Variants in HCRTR2 observed in about 807,000 individuals in gnomAD.
HCRTR2 encodes the protein orexin receptor type 2.
Under a neutral mutation model 49.0 loss-of-function variants are expected in HCRTR2, and 22 were observed. The observed-to-expected ratio is 0.45, with a 90% CI of 0.32 to 0.64. The LOEUF (loss-of-function observed/expected upper bound fraction) is 0.64. HCRTR2 is among the 30% of genes least tolerant of loss of function. HCRTR2 has a pLI of 0.04. For synonymous variants in HCRTR2, 236 were observed against 205.3 expected (o/e 1.15, Z -1.28); for missense variants, 491 against 559.4 (o/e 0.88, Z 1.23).
chr6:55,131,556 C>A (rs1472815220), intron 1 of HCRTR2, among the ~76,000 whole-genome samples: 1 of 151,554 alleles, frequency 6.6e-6, no homozygotes, highest in East Asian at 1.9e-4. Context: ...GTCATTAATA[C>A]CATCAAGTTT....
At chr6:55,110,939 A>G (rs1472684357) in intron 1 of HCRTR2, among the ~76,000 whole-genome samples, 1 of 152,128 alleles carries the variant, frequency 6.6e-6, no homozygotes, top group African/African-American at 2.4e-5. Context: ...TCAACTGCAC[A>G]TGGAACATTC....
At chr6:55,263,226 C>G (rs767942739) in intron 3 of HCRTR2, among the ~76,000 whole-genome samples, 3 of 151,878 alleles carry the variant, frequency 2.0e-5, no homozygotes, top group African/African-American at 7.2e-5. Flanking sequence ...GAATAGCCTC[C>G]CATTTCTCAG....
intron 4 of HCRTR2, among the ~76,000 whole-genome samples, chr6:55,269,033 T>C (rs1382135788): frequency 7.4e-6 from 1 of 135,842 alleles, no homozygotes; most frequent in Non-Finnish European, 1.5e-5. Flanking sequence ...GAGCCTGCAG[T>C]GAACAGAGAT....
chr6:55,266,038 C>A (rs1242070835), intron 4 of HCRTR2, among the ~76,000 whole-genome samples: 1 of 151,974 alleles, frequency 6.6e-6, no homozygotes, highest in Non-Finnish European at 1.5e-5. Context: ...CAAAACAAAA[C>A]AAAACTACAA....
chr6:55,272,032 A>G (rs1244438558), intron 4 of HCRTR2, among the ~76,000 whole-genome samples: 1 of 152,148 alleles, frequency 6.6e-6, no homozygotes, highest in African/African-American at 2.4e-5. Context: ...AGAACTGAAG[A>G]CATGTTTACA....
At chr6:55,258,239 CTG>C (rs1389613650) in intron 3 of HCRTR2, among the ~76,000 whole-genome samples, 1 of 152,036 alleles carries the variant, frequency 6.6e-6, no homozygotes, top group Non-Finnish European at 1.5e-5. Context: ...AATTCATAAT[CTG>C]TGTTTCTTAT....
intron 1 of HCRTR2, among the ~76,000 whole-genome samples, chr6:55,130,879 C>T (rs1764346624): frequency 6.6e-6 from 1 of 151,870 alleles, no homozygotes; most frequent in Non-Finnish European, 1.5e-5. Context: ...GCATCTCTGG[C>T]TTGGGCAAAT....
In HCRTR2 at chr6:55,223,628, G is replaced by A. The variant is rs539590150; in HGVS notation, c.224-25011G>A. Among the ~76,000 whole-genome samples, 4 of 152,112 alleles carry A rather than the reference G, an allele frequency of 2.6e-5. No individual in the cohort carries two copies. The East Asian group carries it at 7.7e-4, about 29-fold the overall frequency. ...ATTCTTGTGTCTAAATTCAACTCTA[G>A]ATTTATTCTCTGTTGATATTTTTTA... On this transcript the variant is annotated intron_variant, in intron 1 of 6. Transcript: ENST00000370862.
At chr6:55,239,973 C>T (rs1397321259) in intron 1 of HCRTR2, among the ~76,000 whole-genome samples, 2 of 151,794 alleles carry the variant, frequency 1.3e-5, no homozygotes, top group Admixed American at 6.6e-5. Context: ...GATGGGGTTT[C>T]GCCATGTTGG....
chr6:55,265,900 A>C (rs1766851674), intron 4 of HCRTR2, among the ~76,000 whole-genome samples: 1 of 152,052 alleles, frequency 6.6e-6, no homozygotes, highest in Non-Finnish European at 1.5e-5. Context: ...CAAGGGAGAG[A>C]ACACCGTCGT....
chr6:55,276,968 A>G (rs985424481), intron 4 of HCRTR2, among the ~76,000 whole-genome samples: 1 of 152,192 alleles, frequency 6.6e-6, no homozygotes, highest in South Asian at 2.1e-4. Flanking sequence ...TGAAAAATCC[A>G]TAACAGGTTG....
At chr6:55,211,317 AT>A (rs1438449212) in intron 1 of HCRTR2, among the ~76,000 whole-genome samples, 4 of 152,168 alleles carry the variant, frequency 2.6e-5, no homozygotes. Flanking sequence ...TAGAAGTACA[AT>A]AACTTTCAAA....
In HCRTR2 at chr6:55,166,496, G is replaced by A. The variant is rs188535180; in HGVS notation, c.-377-7715G>A. Among the ~76,000 whole-genome samples, 323 of 151,828 alleles carry A rather than the reference G, an allele frequency of 2.1e-3. 6 individuals are homozygous for A. Among genetic ancestry groups the A allele is most frequent in the African/African-American group, 6.9e-3 (286 of 41,404 alleles). On this transcript the variant is annotated intron_variant, in intron 1 of 7. Transcript: ENST00000615358. The stretch of plus-strand genomic sequence containing the variant: ...TTAAGAGACTTAAAACACACACAAC[G>A]CACACACAAAATGAAATATCACTTT...
At chr6:55,198,750 GAGA>G (rs1322144116) in intron 1 of HCRTR2, among the ~76,000 whole-genome samples, 1 of 152,200 alleles carries the variant, frequency 6.6e-6, no homozygotes. Flanking sequence ...GTGTGCAGGG[GAGA>G]AGTAGGAGAG....
upstream of HCRTR2, among the ~76,000 whole-genome samples, chr6:55,170,870 A>G (rs1484307032): frequency 6.6e-6 from 1 of 151,578 alleles, no homozygotes; most frequent in African/African-American, 2.4e-5. Flanking sequence ...GCTGAGAATC[A>G]TGGTTTCCAG....
At chr6:55,128,438 G>A in intron 1 of HCRTR2, among the ~76,000 whole-genome samples, 1 of 152,164 alleles carries the variant, frequency 6.6e-6, no homozygotes, top group East Asian at 1.9e-4. Context: ...TTTTAAAATA[G>A]TTTTCTCTAG....
chr6:55,204,344 C>A (rs1765563082), intron 1 of HCRTR2, among the ~76,000 whole-genome samples: 1 of 152,164 alleles, frequency 6.6e-6, no homozygotes, highest in African/African-American at 2.4e-5. Context: ...ATCTTGCTGA[C>A]TAACATAATT....
chr6:55,143,052 T>C (rs974888350), intron 1 of HCRTR2, among the ~76,000 whole-genome samples: 1 of 150,900 alleles, frequency 6.6e-6, no homozygotes, highest in Non-Finnish European at 1.5e-5. Flanking sequence ...TGAAACATTA[T>C]ATATAAAAAT....
rs73434735 is a variant in HCRTR2, at chr6:55,192,898, G to A, written c.223+18088G>A. Among the ~76,000 whole-genome samples, 678 of 152,260 alleles carry A rather than the reference G, an allele frequency of 4.5e-3. 4 individuals are homozygous for A. The highest frequency in any genetic ancestry group is 0.015 in the African/African-American group (633 of 41,536). On this transcript the variant is annotated intron_variant, in intron 1 of 6. Coordinates refer to ENST00000370862, the MANE Select transcript of HCRTR2 (RefSeq NM_001384272.1). The stretch of plus-strand genomic sequence containing the variant: ...CTCAGATTTCAGAAATGAAGAAAAT[G>A]TACTGGAGGTCTTTTGGATAATGGC...
Sources: allele counts gnomAD v4.1 joint callset (sites outside exome capture counted in the v4.1 genomes callset), GRCh38; gene constraint gnomAD v4.1.1; transcripts MANE v1.5; gene names NCBI Gene and HGNC (gene_info 2026-07-23, HGNC 2026-07-21).